Variants in RYR2 observed in about 807,000 individuals in gnomAD.
RYR2 encodes ryanodine receptor 2, also known as cardiac muscle ryanodine receptor-calcium release channel.
RYR2 carries 227 observed loss-of-function variants against 601.1 expected under a neutral mutation model. The ratio of observed to expected loss-of-function variants is 0.38; its 90% CI spans 0.34 to 0.42. The LOEUF is 0.42. RYR2 is among the 10% of genes least tolerant of loss of function. The pLI, the probability that RYR2 is intolerant of heterozygous loss-of-function variation, is 1.00. For synonymous variants in RYR2, 2,223 were observed against 2,175.1 expected, an observed-to-expected ratio of 1.02 and a Z score of -0.61; for missense variants, 4,646 against 6,156.5, an observed-to-expected ratio of 0.75 and a Z score of 8.21.
intron 1 of RYR2, among the ~76,000 whole-genome samples, chr1:237,061,178 T>C (rs1033373890): frequency 6.6e-6 from 1 of 152,162 alleles, no homozygotes; most frequent in Admixed American, 6.5e-5. Flanking sequence ...GAAATACCTA[T>C]TCAGGCTTTA....
chr1:237,375,297 C>CT (rs1231304001), intron 7 of RYR2, among the ~76,000 whole-genome samples: 4 of 151,950 alleles, frequency 2.6e-5, no homozygotes, highest in African/African-American at 9.7e-5. Flanking sequence ...TATATTAACA[C>CT]TTTTTTTTGG....
chr1:237,279,163 A>G (rs544607899), intron 2 of RYR2, among the ~76,000 whole-genome samples: 8 of 152,364 alleles, frequency 5.3e-5, no homozygotes, highest in African/African-American at 1.7e-4. Context: ...GATCATAAGA[A>G]AAGCGGGCTA....
At chr1:237,453,285 A>G (rs1041864948) in intron 14 of RYR2, among the ~76,000 whole-genome samples, 1 of 152,088 alleles carries the variant, frequency 6.6e-6, no homozygotes, top group South Asian at 2.1e-4. Flanking sequence ...TCAGGCAAAA[A>G]CTTTAAAATA....
chr1:237,663,787 A>G (rs968936348), intron 56 of RYR2, among the ~76,000 whole-genome samples: 16 of 152,218 alleles, frequency 1.1e-4, no homozygotes, highest in African/African-American at 3.6e-4. Context: ...TTTGTTTACC[A>G]TGAATACCAC....
At chr1:237,665,497 G>T (rs1192173115) in intron 56 of RYR2, among the ~76,000 whole-genome samples, 2 of 152,110 alleles carry the variant, frequency 1.3e-5, no homozygotes, top group Non-Finnish European at 2.9e-5. Flanking sequence ...ACCAGGACAG[G>T]TTCAGTGAGA....
intron 37 of RYR2, among the ~76,000 whole-genome samples, chr1:237,616,525 C>T (rs2148608953): frequency 6.6e-6 from 1 of 152,242 alleles, no homozygotes; most frequent in East Asian, 1.9e-4. Context: ...GGTTTTCTTC[C>T]TAAAATGCTC....
chr1:237,544,795 T>A (rs2779377), intron 25 of RYR2, among the ~76,000 whole-genome samples: 134,755 of 152,162 alleles, frequency 0.89, 61,418 homozygotes, highest in Non-Finnish European at 0.99. Context: ...AAACAGAAAA[T>A]TCGTTTCATA....
chr1:237,331,360 A>G (rs902049980), intron 3 of RYR2, among the ~76,000 whole-genome samples: 5 of 152,164 alleles, frequency 3.3e-5, no homozygotes, highest in African/African-American at 1.2e-4. Context: ...GTCTGTCACT[A>G]TGTGACTATG....
At chr1:237,056,435 A>C (rs1662075489) in intron 1 of RYR2, among the ~76,000 whole-genome samples, 1 of 143,280 alleles carries the variant, frequency 7.0e-6, no homozygotes, top group African/African-American at 2.7e-5. Flanking sequence ...TGAGGATTGG[A>C]GCACTGCAAC....
chr1:237,235,148 C>T (rs1159410449), intron 1 of RYR2, among the ~76,000 whole-genome samples: 1 of 152,152 alleles, frequency 6.6e-6, no homozygotes, highest in East Asian at 1.9e-4. Flanking sequence ...ATTGACTTTT[C>T]CTCTGTGTAT....
In RYR2 at chr1:237,322,369, C is replaced by G. The variant is rs140391191; in HGVS notation, c.169-8509C>G. Among the ~76,000 whole-genome samples the G allele has an allele frequency of 1.2e-3, 181 of 152,308 alleles. 2 individuals carry two copies. Among genetic ancestry groups the G allele is most frequent in the African/African-American group, 4.0e-3 (168 of 41,578 alleles). ...TGTGAAACTCTAGACAAGTCGGAATCTGTTGGTTGCCCTCATCTATGTGTT... is the reference window on the plus strand; with the variant it reads ...TGTGAAACTCTAGACAAGTCGGAATGTGTTGGTTGCCCTCATCTATGTGTT... On this transcript the variant is annotated intron_variant, in intron 2 of 104. Transcript: ENST00000366574.
In RYR2 at chr1:237,550,532, G is replaced by C; in HGVS notation, c.3067-12G>C. On this transcript the variant is annotated splice_polypyrimidine_tract_variant and intron_variant, in intron 26 of 104. Transcript: ENST00000366574. ...TATTGCTTTGACGGCTGCACCCTGTGTTTTCCTGCAGGACGTAAAGAACAG... is the reference window on the plus strand; with the variant it reads ...TATTGCTTTGACGGCTGCACCCTGTCTTTTCCTGCAGGACGTAAAGAACAG... 1.2e-6 allele frequency: 2 copies of C among 1,607,288 alleles called. No homozygotes were observed. The highest frequency in any genetic ancestry group is 1.7e-6 in the Non-Finnish European group (2 of 1,176,836).
chr1:237,773,408 C>A, intron 86 of RYR2, 112 bp from the exon 87 acceptor site: 1 of 647,734 alleles, frequency 1.5e-6, no homozygotes, highest in Non-Finnish European at 2.6e-6. Flanking sequence ...TTTTTGTTTG[C>A]TACCATATCT....
At chr1:237,054,814 A>C (rs956132727) in intron 1 of RYR2, among the ~76,000 whole-genome samples, 21 of 152,140 alleles carry the variant, frequency 1.4e-4, no homozygotes, top group Non-Finnish European at 7.4e-5. Flanking sequence ...GATCTTGCTG[A>C]ATTTGGGTGG....
chr1:237,256,667 A>G (rs531154127), intron 1 of RYR2, among the ~76,000 whole-genome samples: 2 of 152,250 alleles, frequency 1.3e-5, no homozygotes, highest in Non-Finnish European at 2.9e-5. Flanking sequence ...TGTTTTATCA[A>G]GTACTTTAAT....
intron 33 of RYR2, 65 bp downstream of exon 33, chr1:237,593,701 C>G: frequency 1.3e-6 from 2 of 1,505,748 alleles, no homozygotes; most frequent in Non-Finnish European, 1.8e-6. Flanking sequence ...CCTAGCTATT[C>G]CTTTTCCTTG....
At chr1:237,411,768 A>T (rs1160931933) in intron 10 of RYR2, among the ~76,000 whole-genome samples, 1 of 152,198 alleles carries the variant, frequency 6.6e-6, no homozygotes, top group Non-Finnish European at 1.5e-5. Flanking sequence ...AGTTAATAAC[A>T]ATCAAATGTG....
chr1:237,345,355 A>C, intron 3 of RYR2, among the ~76,000 whole-genome samples: 1 of 152,172 alleles, frequency 6.6e-6, no homozygotes, highest in Non-Finnish European at 1.5e-5. Flanking sequence ...AGACTTTATT[A>C]TATGAAATTT....
At chr1:237,397,732 T>TC (rs997478913) in intron 10 of RYR2, among the ~76,000 whole-genome samples, 1 of 151,358 alleles carries the variant, frequency 6.6e-6, no homozygotes, top group African/African-American at 2.4e-5. Flanking sequence ...ATCTTTTTTT[T>TC]TTTTTTTGAG....
Sources: allele counts gnomAD v4.1 joint callset (sites outside exome capture counted in the v4.1 genomes callset), GRCh38; gene constraint gnomAD v4.1.1; transcripts MANE v1.5; gene names NCBI Gene and HGNC (gene_info 2026-07-23, HGNC 2026-07-21).